Variants in ANKRD30B observed in about 807,000 individuals in gnomAD.
ANKRD30B encodes the protein ankyrin repeat domain-containing protein 30B.
Under a neutral mutation model 202.2 loss-of-function variants are expected in ANKRD30B, and 144 were observed. The observed-to-expected ratio is 0.71, with a 90% CI of 0.62 to 0.82. The LOEUF (loss-of-function observed/expected upper bound fraction) is 0.82. Ranked by LOEUF, ANKRD30B falls within the 40% of genes least tolerant of loss-of-function variation. The pLI is 0.00. For synonymous variants in ANKRD30B, 508 were observed against 561.3 expected, an observed-to-expected ratio of 0.91 and a Z score of 1.34; for missense variants, 1,487 against 1,669.1, an observed-to-expected ratio of 0.89 and a Z score of 1.90.
chr18:14,849,240 C>T (rs114827293), intron 40 of ANKRD30B, among the ~76,000 whole-genome samples: 94 of 151,900 alleles, frequency 6.2e-4, no homozygotes, highest in African/African-American at 2.1e-3. Flanking sequence ...GACATAACTG[C>T]ATGTAAATCT....
the ANKRD30B span, among the ~76,000 whole-genome samples, chr18:14,897,603 TA>T: frequency 0.028 from 4,265 of 152,290 alleles, 209 homozygotes; most frequent in African/African-American, 0.096. Flanking sequence ...GTTAGCATAA[TA>T]TTTTTTTGGT....
the ANKRD30B span, among the ~76,000 whole-genome samples, chr18:14,871,077 AGAC>A: frequency 8.7e-4 from 46 of 52,822 alleles, no homozygotes; most frequent in African/African-American, 3.1e-3. Context: ...CCCCACCCAC[AGAC>A]CCCCACCCTC....
chr18:14,763,336 C>T, intron 6 of ANKRD30B, among the ~76,000 whole-genome samples: 1 of 152,046 alleles, frequency 6.6e-6, no homozygotes, highest in East Asian at 1.9e-4. Flanking sequence ...ATTGCTTGAG[C>T]TCAGGAATTT....
At chr18:14,766,486 A>AG (rs1916202182) in intron 7 of ANKRD30B, among the ~76,000 whole-genome samples, 2 of 148,184 alleles carry the variant, frequency 1.3e-5, no homozygotes, top group Non-Finnish European at 3.0e-5. Context: ...AAAAAAAAAA[A>AG]AAAAAAAAAA....
At chr18:14,797,206 G>T (rs568891414) in intron 18 of ANKRD30B, among the ~76,000 whole-genome samples, 8 of 152,150 alleles carry the variant, frequency 5.3e-5, no homozygotes, top group Non-Finnish European at 8.8e-5. Context: ...ATATGGACAG[G>T]TACCCCCCCA....
intron 14 of ANKRD30B, 62 bp downstream of exon 14, chr18:14,784,597 T>A: frequency 6.6e-7 from 1 of 1,503,832 alleles, no homozygotes; most frequent in Non-Finnish European, 9.1e-7. Context: ...TTTGATAGTC[T>A]TTCTATCCCC....
chr18:14,789,827 T>A (rs996395938), intron 15 of ANKRD30B, among the ~76,000 whole-genome samples: 3 of 152,228 alleles, frequency 2.0e-5, no homozygotes, highest in African/African-American at 7.2e-5. Flanking sequence ...GGTACTGTGA[T>A]GCCTACAGCT....
chr18:14,861,507 C>A, the ANKRD30B span, among the ~76,000 whole-genome samples: 6 of 150,412 alleles, frequency 4.0e-5, no homozygotes, highest in Non-Finnish European at 5.9e-5. Flanking sequence ...AAACTAACAA[C>A]AGTAAAAAGA....
chr18:14,938,490 G>C, the ANKRD30B span, among the ~76,000 whole-genome samples: 2 of 152,042 alleles, frequency 1.3e-5, no homozygotes, highest in African/African-American at 4.8e-5. Context: ...GCTGGCCATG[G>C]CCCTCAGTCC....
chr18:14,792,405 G>T (rs1360131489), intron 16 of ANKRD30B, among the ~76,000 whole-genome samples: 2 of 152,094 alleles, frequency 1.3e-5, no homozygotes, highest in African/African-American at 4.8e-5. Flanking sequence ...AGAAATTGTA[G>T]ACGGAAGATA....
the ANKRD30B span, among the ~76,000 whole-genome samples, chr18:14,929,813 G>A: frequency 6.6e-6 from 1 of 152,234 alleles, no homozygotes; most frequent in African/African-American, 2.4e-5. Flanking sequence ...ATGTGTGTGT[G>A]CATTTCATAT....
chr18:14,881,614 G>A, the ANKRD30B span, among the ~76,000 whole-genome samples: 1 of 152,044 alleles, frequency 6.6e-6, no homozygotes. Flanking sequence ...ATCGGGGAGG[G>A]TTTCTTCTTT....
At chr18:14,785,709 T>C (rs1968036501) in intron 14 of ANKRD30B, among the ~76,000 whole-genome samples, 1 of 152,190 alleles carries the variant, frequency 6.6e-6, no homozygotes, top group Non-Finnish European at 1.5e-5. Context: ...AAGTATGATC[T>C]GAGTTTCTTG....
chr18:14,918,772 T>G, the ANKRD30B span, among the ~76,000 whole-genome samples: 1 of 152,246 alleles, frequency 6.6e-6, no homozygotes, highest in African/African-American at 2.4e-5. Flanking sequence ...AAGGTCTGAA[T>G]GTTTGTGACC....
At chr18:14,785,069 A>G (rs1183230463) in intron 14 of ANKRD30B, among the ~76,000 whole-genome samples, 2 of 152,010 alleles carry the variant, frequency 1.3e-5, no homozygotes, top group Non-Finnish European at 2.9e-5. Context: ...TGTGTGTGGT[A>G]CCTTTACCTT....
Position 14,797,594 on chromosome 18 carries a change from G to A in ANKRD30B, c.1928-67G>A, listed in dbSNP as rs539120466. 345 of 1,480,744 alleles carry A rather than the reference G, an allele frequency of 2.3e-4. No individual in the cohort carries two copies. In the South Asian group the frequency reaches 2.9e-3, roughly 12 times the overall value. The allele number at this position is 1,480,744 out of a possible 1,614,324, so 91.7% of individuals were successfully genotyped here. A position where few individuals can be genotyped will look rare whatever the true frequency, so the allele number is the denominator to read the frequency against. On this transcript the variant is annotated intron_variant, in intron 18 of 43. Transcript: ENST00000690538. ...GAGGATTCATCTTCATATTCACACT[G>A]TATGAACGTTTGGTAGGCTTTGTCA...
At chr18:14,861,655 C>T in the ANKRD30B span, among the ~76,000 whole-genome samples, 10 of 150,206 alleles carry the variant, frequency 6.7e-5, no homozygotes, top group East Asian at 7.8e-4. Flanking sequence ...AAAAGAGATA[C>T]ACAGCTGTAC....
At chr18:14,865,422 A>G in the ANKRD30B span, among the ~76,000 whole-genome samples, 3 of 147,286 alleles carry the variant, frequency 2.0e-5, no homozygotes, top group Non-Finnish European at 3.0e-5. Context: ...TTTTACCTAC[A>G]GTCTTCTTTC....
chr18:14,917,940 T>C, the ANKRD30B span, among the ~76,000 whole-genome samples: 1 of 152,218 alleles, frequency 6.6e-6, no homozygotes, highest in Non-Finnish European at 1.5e-5. Context: ...CCAGATGTTC[T>C]TCTTTGGCTA....
Sources: gnomAD v4.1 joint callset for allele counts (sites outside exome capture counted in the v4.1 genomes callset) on GRCh38, gnomAD v4.1.1 for gene constraint, MANE v1.5 for transcripts, NCBI Gene and HGNC (gene_info 2026-07-23, HGNC 2026-07-21) for gene names.